GPC6: variants seen among roughly 807,000 people sequenced by gnomAD.
GPC6 encodes the protein glypican 6.
Under a neutral mutation model 55.2 loss-of-function variants are expected in GPC6, and 14 were observed. The ratio of observed to expected loss-of-function variants is 0.25; its 90% CI spans 0.17 to 0.40. The LOEUF is 0.40. Among genes scored for constraint, GPC6 ranks in the 10% least tolerant of loss-of-function variants. The pLI, the probability that GPC6 is intolerant of heterozygous loss-of-function variation, is 1.00. For synonymous variants in GPC6, 278 were observed against 259.6 expected, an observed-to-expected ratio of 1.07 and a Z score of -0.68; for missense variants, 641 against 708.5, an observed-to-expected ratio of 0.90 and a Z score of 1.08.
At chr13:94,065,364 C>T (rs2138774421) in intron 4 of GPC6, among the ~76,000 whole-genome samples, 1 of 152,238 alleles carries the variant, frequency 6.6e-6, no homozygotes, top group African/African-American at 2.4e-5. Context: ...TGCTGCAGAG[C>T]CCTGAGATGA....
chr13:93,658,709 A>T (rs1052258660), intron 2 of GPC6, among the ~76,000 whole-genome samples: 2 of 151,772 alleles, frequency 1.3e-5, no homozygotes, highest in Non-Finnish European at 3.0e-5. Context: ...GTCAGTATTT[A>T]GTTATTACTA....
At chr13:93,831,980 C>T (rs1007071935) in intron 3 of GPC6, among the ~76,000 whole-genome samples, 1 of 145,450 alleles carries the variant, frequency 6.9e-6, no homozygotes, top group African/African-American at 2.6e-5. Context: ...GTCCCAGCTA[C>T]TCTGGAGGCT....
intron 3 of GPC6, among the ~76,000 whole-genome samples, chr13:93,912,016 G>A (rs1400319837): frequency 1.3e-5 from 2 of 152,162 alleles, no homozygotes; most frequent in African/African-American, 4.8e-5. Context: ...CCAGATGACA[G>A]AGACTAGAAC....
intron 4 of GPC6, among the ~76,000 whole-genome samples, chr13:94,184,844 A>G (rs1243496024): frequency 6.6e-6 from 1 of 152,230 alleles, no homozygotes; most frequent in Non-Finnish European, 1.5e-5. Context: ...ATACACTCAT[A>G]TGTCCATTGC....
At chr13:93,604,113 C>A (rs1878137894) in intron 2 of GPC6, among the ~76,000 whole-genome samples, 1 of 152,184 alleles carries the variant, frequency 6.6e-6, no homozygotes, top group African/African-American at 2.4e-5. Flanking sequence ...TGCATGTCCT[C>A]TGTTAATGTC....
intron 1 of GPC6, among the ~76,000 whole-genome samples, chr13:93,318,326 G>A (rs1396079997): frequency 1.3e-5 from 2 of 151,878 alleles, no homozygotes; most frequent in Non-Finnish European, 2.9e-5. Context: ...GAAAAAAAAA[G>A]CAAATTTTTA....
chr13:93,441,263 C>A (rs958605552), intron 1 of GPC6, among the ~76,000 whole-genome samples: 1 of 151,252 alleles, frequency 6.6e-6, no homozygotes, highest in Non-Finnish European at 1.5e-5. Flanking sequence ...CCTTGAGGAA[C>A]CACCACCCTG....
At chr13:93,351,904 T>G (rs1028274879) in intron 1 of GPC6, among the ~76,000 whole-genome samples, 13 of 152,134 alleles carry the variant, frequency 8.5e-5, no homozygotes, top group African/African-American at 3.1e-4. Flanking sequence ...GCATAACATT[T>G]AGGGTTCAAA....
At chr13:93,734,673 A>T (rs1461074873) in intron 2 of GPC6, among the ~76,000 whole-genome samples, 1 of 152,200 alleles carries the variant, frequency 6.6e-6, no homozygotes, top group Non-Finnish European at 1.5e-5. Flanking sequence ...TAAATGTAAA[A>T]ATAATGAGCC....
intron 1 of GPC6, among the ~76,000 whole-genome samples, chr13:93,402,227 A>T (rs1229011012): frequency 6.6e-6 from 1 of 152,166 alleles, no homozygotes; most frequent in Non-Finnish European, 1.5e-5. Flanking sequence ...CTCCTGAACC[A>T]TTACTGCTTT....
intron 1 of GPC6, among the ~76,000 whole-genome samples, chr13:93,261,925 TACAC>T (rs34841808): frequency 0.091 from 13,108 of 144,466 alleles, 827 homozygotes; most frequent in East Asian, 0.2. Flanking sequence ...TCTCTCCCTC[TACAC>T]ACACACACAC....
At chr13:94,261,823 T>C (rs2139050665) in intron 4 of GPC6, among the ~76,000 whole-genome samples, 1 of 152,306 alleles carries the variant, frequency 6.6e-6, no homozygotes, top group African/African-American at 2.4e-5. Context: ...TGAGAGCAGT[T>C]TGTGGCCAAA....
intron 6 of GPC6, among the ~76,000 whole-genome samples, chr13:94,362,073 G>A (rs576300283): frequency 2.0e-5 from 3 of 152,294 alleles, no homozygotes; most frequent in Admixed American, 1.3e-4. Context: ...TAATGAGACT[G>A]AAATAAGCTT....
At chr13:94,262,679 A>AT (rs1891689265) in intron 4 of GPC6, among the ~76,000 whole-genome samples, 1 of 151,750 alleles carries the variant, frequency 6.6e-6, no homozygotes, top group Non-Finnish European at 1.5e-5. Context: ...TCTCAGAAAA[A>AT]AAAAAAAAAA....
chr13:94,336,260 C>G (rs1418824334), intron 6 of GPC6, among the ~76,000 whole-genome samples: 2 of 152,136 alleles, frequency 1.3e-5, no homozygotes, highest in Non-Finnish European at 2.9e-5. Flanking sequence ...GGCCATATAA[C>G]TGCCTTAGTA....
intron 6 of GPC6, among the ~76,000 whole-genome samples, chr13:94,377,254 A>G (rs1008120298): frequency 6.8e-6 from 1 of 148,120 alleles, no homozygotes; most frequent in Non-Finnish European, 1.5e-5. Context: ...CAGAGTGAAC[A>G]GGCAACCTAC....
At chr13:93,507,098 G>A (rs1880763900) in intron 1 of GPC6, among the ~76,000 whole-genome samples, 1 of 140,330 alleles carries the variant, frequency 7.1e-6, no homozygotes, top group African/African-American at 2.6e-5. Flanking sequence ...AAAGCCCGGA[G>A]TATATTCACA....
At chr13:93,724,230 A>C (rs942450787) in intron 2 of GPC6, among the ~76,000 whole-genome samples, 1 of 151,994 alleles carries the variant, frequency 6.6e-6, no homozygotes, top group African/African-American at 2.4e-5. Flanking sequence ...GGTTTGCATC[A>C]CAGGTACACA....
At chr13:94,117,319 A>G (rs2138848265) in intron 4 of GPC6, among the ~76,000 whole-genome samples, 1 of 152,242 alleles carries the variant, frequency 6.6e-6, no homozygotes, top group Middle Eastern at 3.4e-3. Flanking sequence ...TATCCTGAAT[A>G]ATAATTCTAT....
Sources: allele counts gnomAD v4.1 joint callset (sites outside exome capture counted in the v4.1 genomes callset), GRCh38; gene constraint gnomAD v4.1.1; transcripts MANE v1.5; gene names NCBI Gene and HGNC (gene_info 2026-07-23, HGNC 2026-07-21).